The following EPB41 variants were observed in gnomAD, a reference collection of about 807,000 sequenced individuals.
The protein encoded by EPB41 is erythrocyte membrane protein band 4.1.
EPB41 carries 65 observed loss-of-function variants against 108.0 expected under a neutral mutation model. The ratio of observed to expected loss-of-function variants is 0.60; its 90% confidence interval spans 0.49 to 0.74. The LOEUF is 0.74. EPB41 is among the 30% of genes least tolerant of loss of function. EPB41 has a pLI of 0.00. For synonymous variants in EPB41, 336 were observed against 358.9 expected (o/e 0.94, Z 0.72); for missense variants, 875 against 1,037.0 (o/e 0.84, Z 2.15).
At chr1:29,070,292 T>G in intron 16 of EPB41, 1 of 1,106,212 alleles carries the variant, frequency 9.0e-7, no homozygotes, top group Non-Finnish European at 1.1e-6. Flanking sequence ...CCAAGTATCA[T>G]TTTTGAGCAT....
intron 16 of EPB41, among the ~76,000 whole-genome samples, chr1:29,083,455 C>T (rs565861450): frequency 7.2e-5 from 11 of 152,198 alleles, no homozygotes; most frequent in African/African-American, 2.6e-4. Context: ...GGATGTTTCT[C>T]CTTTCGGTAA....
chr1:28,921,366 T>C (rs887274554), intron 1 of EPB41, among the ~76,000 whole-genome samples: 5 of 152,096 alleles, frequency 3.3e-5, no homozygotes, highest in Non-Finnish European at 7.3e-5. Context: ...AAGTGAAGAG[T>C]GTTTCACCTT....
intron 4 of EPB41, among the ~76,000 whole-genome samples, chr1:29,010,148 C>T (rs2096475485): frequency 6.6e-6 from 1 of 152,002 alleles, no homozygotes; most frequent in African/African-American, 2.4e-5. Flanking sequence ...ACCAGCCTGG[C>T]CAACATGGTG....
chr1:29,102,451 G>A (rs1305532035), intron 17 of EPB41, among the ~76,000 whole-genome samples: 1 of 152,090 alleles, frequency 6.6e-6, no homozygotes, highest in Non-Finnish European at 1.5e-5. Flanking sequence ...CAACCAAAAC[G>A]TATAGTGGCC....
intron 16 of EPB41, among the ~76,000 whole-genome samples, chr1:29,094,195 C>G (rs900549844): frequency 6.6e-6 from 1 of 152,092 alleles, no homozygotes; most frequent in Non-Finnish European, 1.5e-5. Flanking sequence ...TCTAGGTTCT[C>G]TATTCTGTTT....
intron 11 of EPB41, among the ~76,000 whole-genome samples, chr1:29,044,835 G>A (rs549778429): frequency 6.6e-6 from 1 of 152,280 alleles, no homozygotes; most frequent in South Asian, 2.1e-4. Flanking sequence ...GGATGACAGA[G>A]TGAGACTCCG....
At chr1:29,009,806 TTTA>T in intron 4 of EPB41, among the ~76,000 whole-genome samples, 1 of 152,338 alleles carries the variant, frequency 6.6e-6, no homozygotes, top group Admixed American at 6.5e-5. Flanking sequence ...ATATGTGGCA[TTTA>T]TTATATATAT....
intron 17 of EPB41, among the ~76,000 whole-genome samples, chr1:29,104,992 G>T (rs1666667778): frequency 6.6e-6 from 1 of 152,084 alleles, no homozygotes; most frequent in Non-Finnish European, 1.5e-5. Flanking sequence ...CAAAGTGCTG[G>T]TATTACAGAT....
At chr1:29,107,252 G>C (rs748568888) in intron 17 of EPB41, among the ~76,000 whole-genome samples, 19 of 152,132 alleles carry the variant, frequency 1.2e-4, no homozygotes, top group Non-Finnish European at 2.8e-4. Flanking sequence ...AGAAGTCAGA[G>C]TGACTTGCCC....
intron 15 of EPB41, among the ~76,000 whole-genome samples, chr1:29,063,109 A>G (rs1297304545): frequency 6.6e-6 from 1 of 152,166 alleles, no homozygotes; most frequent in African/African-American, 2.4e-5. Flanking sequence ...TCTTGGCCCA[A>G]ACAGATTTTA....
chr1:28,937,131 T>C (rs950043238), intron 1 of EPB41, among the ~76,000 whole-genome samples: 3 of 152,186 alleles, frequency 2.0e-5, no homozygotes, highest in African/African-American at 2.4e-5. Context: ...TGGTACCTCA[T>C]AGGGGTTTTG....
intron 1 of EPB41, among the ~76,000 whole-genome samples, chr1:28,957,955 G>A (rs950404486): frequency 2.6e-5 from 4 of 151,876 alleles, no homozygotes; most frequent in African/African-American, 9.7e-5. Flanking sequence ...CCATGGCCAT[G>A]TGTTACTTTT....
intron 1 of EPB41, among the ~76,000 whole-genome samples, chr1:28,904,911 G>T (rs1450044197): frequency 6.6e-6 from 1 of 151,512 alleles, no homozygotes; most frequent in African/African-American, 2.4e-5. Flanking sequence ...GGCGCCTGTA[G>T]TCCCAGCTAC....
intron 16 of EPB41, among the ~76,000 whole-genome samples, chr1:29,080,021 TTC>T (rs1456661032): frequency 6.6e-6 from 1 of 152,032 alleles, no homozygotes; most frequent in African/African-American, 2.4e-5. Context: ...AAATATATAT[TTC>T]TCTGAGGAGA....
At chr1:29,053,338 C>G (rs2150755622) in intron 12 of EPB41, 26 bp downstream of exon 12, 1 of 1,613,602 alleles carries the variant, frequency 6.2e-7, no homozygotes. Context: ...AAATACCTAG[C>G]TAACTCACTT....
intron 1 of EPB41, among the ~76,000 whole-genome samples, chr1:28,933,179 T>C (rs2093834222): frequency 6.6e-6 from 1 of 152,210 alleles, no homozygotes; most frequent in Admixed American, 6.5e-5. Context: ...TTTGCCGTGT[T>C]CACTATATTT....
intron 1 of EPB41, among the ~76,000 whole-genome samples, chr1:28,945,100 A>G (rs2094447393): frequency 6.6e-6 from 1 of 151,782 alleles, no homozygotes; most frequent in South Asian, 2.1e-4. Context: ...AAAGAAAAAA[A>G]AAAAAAAAGA....
rs546151035 is a variant in EPB41, at chr1:29,066,414, G to A, written c.2184+1256G>A. ...AGACTGGGCAACAGAGTGAGACTCCGTCTCAAAAAAAAAGAAAAAAAAGAA... is the reference window on the plus strand; with the variant it reads ...AGACTGGGCAACAGAGTGAGACTCCATCTCAAAAAAAAAGAAAAAAAAGAA... On this transcript the variant is annotated intron_variant, in intron 16 of 20. Transcript: ENST00000343067. Among the ~76,000 whole-genome samples the A allele has an allele frequency of 7.9e-5, 12 of 151,558 alleles. No individual in the cohort carries two copies. In the East Asian group the frequency reaches 1.6e-3, roughly 20 times the overall value.
chr1:29,086,244 T>C (rs951041695), intron 16 of EPB41, among the ~76,000 whole-genome samples: 6 of 151,900 alleles, frequency 3.9e-5, no homozygotes, highest in Admixed American at 2.6e-4. Context: ...ATTATTAATA[T>C]TTTAGTACAC....
Sources: allele counts gnomAD v4.1 joint callset (sites outside exome capture counted in the v4.1 genomes callset), GRCh38; gene constraint gnomAD v4.1.1; transcripts MANE v1.5; gene names NCBI Gene and HGNC (gene_info 2026-07-23, HGNC 2026-07-21).